Variants in SPECC1 observed in about 807,000 individuals in gnomAD.
SPECC1 encodes the protein sperm antigen with calponin homology and coiled-coil domains 1.
SPECC1 carries 62 observed loss-of-function variants against 104.1 expected under a neutral mutation model. The ratio of observed to expected loss-of-function variants is 0.60; its 90% CI spans 0.49 to 0.74. The LOEUF (loss-of-function observed/expected upper bound fraction) is 0.74. SPECC1 is among the 30% of genes least tolerant of loss of function. SPECC1 has a pLI of 0.00. For missense variants in SPECC1, 1,306 were observed against 1,310.5 expected (o/e 1.00, Z 0.05); for synonymous variants, 513 against 501.6 (o/e 1.02, Z -0.30).
chr17:20,274,394 G>T (rs1175309116), intron 12 of SPECC1, among the ~76,000 whole-genome samples: 1 of 152,060 alleles, frequency 6.6e-6, no homozygotes, highest in African/African-American at 2.4e-5. Flanking sequence ...TGTGGCATGC[G>T]TTGTTTTGAT....
At chr17:20,063,278 C>T (rs966410668) in intron 1 of SPECC1, among the ~76,000 whole-genome samples, 1 of 152,086 alleles carries the variant, frequency 6.6e-6, no homozygotes, top group African/African-American at 2.4e-5. Flanking sequence ...TGCCTTTTTT[C>T]TGTTGGACTG....
At chr17:20,236,655 C>CTTT (rs34779112) in intron 7 of SPECC1, among the ~76,000 whole-genome samples, 74 of 126,026 alleles carry the variant, frequency 5.9e-4, no homozygotes, top group African/African-American at 1.9e-3. Flanking sequence ...TGCAGTCTGG[C>CTTT]TTTTTTTTTT....
chr17:20,191,193 G>A (rs1311897432), intron 3 of SPECC1, among the ~76,000 whole-genome samples: 1 of 152,164 alleles, frequency 6.6e-6, no homozygotes, highest in East Asian at 1.9e-4. Context: ...AAAGATCCAT[G>A]TGCAGGTTTT....
intron 7 of SPECC1, among the ~76,000 whole-genome samples, chr17:20,242,735 A>G (rs2039258825): frequency 6.6e-6 from 1 of 152,188 alleles, no homozygotes; most frequent in Admixed American, 6.5e-5. Context: ...TTTGCACCCC[A>G]GTTTCACCAT....
chr17:20,218,122 G>A (rs564920277), intron 4 of SPECC1, among the ~76,000 whole-genome samples: 1 of 152,342 alleles, frequency 6.6e-6, no homozygotes, highest in East Asian at 1.9e-4. Context: ...CATGTATTGT[G>A]ATTTTTCTTG....
intron 1 of SPECC1, among the ~76,000 whole-genome samples, chr17:20,084,128 T>C (rs2047086202): frequency 6.6e-6 from 1 of 152,198 alleles, no homozygotes; most frequent in Admixed American, 6.5e-5. Flanking sequence ...ATTTGTTATT[T>C]TTAACAAAAA....
At chr17:20,019,042 C>A (rs975264327) in intron 1 of SPECC1, among the ~76,000 whole-genome samples, 1 of 151,970 alleles carries the variant, frequency 6.6e-6, no homozygotes, top group African/African-American at 2.4e-5. Context: ...TCCCAGGTGC[C>A]AGCCAAGGAT....
chr17:20,085,028 G>A (rs895666213), intron 1 of SPECC1, among the ~76,000 whole-genome samples: 13 of 152,246 alleles, frequency 8.5e-5, no homozygotes, highest in Non-Finnish European at 1.6e-4. Context: ...AGACAGTAGA[G>A]GGTAAGTGAA....
At position 20,099,511 on chromosome 17, in the gene SPECC1, CA is replaced by C. The variant is rs56285234; in HGVS notation, c.147+2741del. ...AACATGGTGAAATCCTGTCTTTACC[CA>C]AAAAAAAAAAAAAAAAAAAAAAAAA... On this transcript the variant is annotated intron_variant, in intron 2 of 14. Transcript: ENST00000395527. Among the ~76,000 whole-genome samples the C allele has an allele frequency of 5.7e-3, 522 of 91,760 alleles. 1 individual carries two copies. Among genetic ancestry groups the C allele is most frequent in the African/African-American group, 0.02 (452 of 22,156 alleles). The allele number at this position is 91,760 out of a possible 152,430, so 60.2% of individuals were successfully genotyped here.
At chr17:20,048,741 A>G (rs981600670) in intron 1 of SPECC1, among the ~76,000 whole-genome samples, 2 of 151,924 alleles carry the variant, frequency 1.3e-5, no homozygotes, top group Middle Eastern at 3.4e-3. Context: ...CCCTGTATAT[A>G]CAAAAATTAG....
intron 3 of SPECC1, among the ~76,000 whole-genome samples, chr17:20,138,313 GT>G (rs1195824842): frequency 1.3e-5 from 2 of 152,062 alleles, no homozygotes; most frequent in Non-Finnish European, 2.9e-5. Context: ...CCCCACACAT[GT>G]ACAGCCTCTC....
intron 12 of SPECC1, among the ~76,000 whole-genome samples, chr17:20,272,256 C>T (rs1225190032): frequency 6.6e-6 from 1 of 152,052 alleles, no homozygotes; most frequent in African/African-American, 2.4e-5. Context: ...TCCCCTATTT[C>T]TATCTCTTTG....
chr17:20,262,966 C>A (rs1434648847), intron 12 of SPECC1, among the ~76,000 whole-genome samples: 3 of 152,020 alleles, frequency 2.0e-5, no homozygotes, highest in Non-Finnish European at 4.4e-5. Context: ...GCTGAGATAG[C>A]ACCACTGTAG....
chr17:20,290,510 A>T lies in SPECC1; in HGVS notation c.2941-6451A>T, dbSNP rs1417399587. 5.3e-5 allele frequency among the ~76,000 whole-genome samples: 8 copies of T among 151,418 alleles called. No individual in the cohort carries two copies. The East Asian group carries it at 1.6e-3, about 29-fold the overall frequency. On this transcript the variant is annotated intron_variant, in intron 12 of 14. Coordinates refer to ENST00000395527, the MANE Select transcript of SPECC1 (RefSeq NM_001243439.2). Reference sequence around the variant, plus strand: ...CCACACTTGTCTGATTTTTATTTTTATGTATTTTATATTTATTTTTTTGAG... The same window carrying T: ...CCACACTTGTCTGATTTTTATTTTTTTGTATTTTATATTTATTTTTTTGAG...
chr17:20,071,418 G>A (rs555721906), intron 1 of SPECC1, among the ~76,000 whole-genome samples: 5 of 152,004 alleles, frequency 3.3e-5, no homozygotes, highest in Admixed American at 1.3e-4. Flanking sequence ...TTCTCCTTTA[G>A]AGAAGAATCA....
Position 20,204,744 on chromosome 17 carries a change from A to C in SPECC1, c.695A>C (p.Lys232Thr). The C allele has an allele frequency of 6.2e-7, 1 of 1,614,208 alleles. No individual in the cohort carries two copies. The highest frequency in any genetic ancestry group is 8.5e-7 in the Non-Finnish European group (1 of 1,180,020). The change falls in exon 4 of 15, where the codon AAG (lysine) becomes ACG (threonine). Residue 232 changes from lysine (K) to threonine (T), a missense_variant. By Grantham distance (78) the Lys-to-Thr change is moderately conservative. Transcript: ENST00000395527. ...TEPMIRALEE[K>T]NKNFQKELSD... The stretch of plus-strand genomic sequence containing the variant: ...CCTATGATAAGAGCTCTTGAGGAGA[A>C]GAACAAGAACTTTCAGAAAGAGCTT...
intron 12 of SPECC1, among the ~76,000 whole-genome samples, chr17:20,291,852 C>T (rs940964910): frequency 6.6e-5 from 10 of 151,506 alleles, no homozygotes. Flanking sequence ...CCAAGGGACT[C>T]ATACTTAAAG....
At chr17:20,126,640 T>C (rs567500315) in intron 3 of SPECC1, among the ~76,000 whole-genome samples, 3 of 152,326 alleles carry the variant, frequency 2.0e-5, no homozygotes, top group East Asian at 3.9e-4. Context: ...ACAATGCCTT[T>C]TGTCTCCTCC....
chr17:20,034,608 T>C (rs2044981661), intron 1 of SPECC1, among the ~76,000 whole-genome samples: 1 of 50,634 alleles, frequency 2.0e-5, no homozygotes, highest in African/African-American at 5.1e-5. Flanking sequence ...ATTTTTCCTT[T>C]TTTTTTTTTT....
Sources: allele counts gnomAD v4.1 joint callset (sites outside exome capture counted in the v4.1 genomes callset), GRCh38; gene constraint gnomAD v4.1.1; transcripts MANE v1.5; gene names NCBI Gene and HGNC (gene_info 2026-07-23, HGNC 2026-07-21).